HTR1F: variants seen among roughly 807,000 people sequenced by gnomAD.
The protein encoded by HTR1F is 5-hydroxytryptamine (serotonin) receptor 1F, G protein-coupled.
A neutral mutation model predicts 24.0 loss-of-function variants in HTR1F; 17 were observed. The observed-to-expected ratio is 0.71, with a 90% CI of 0.48 to 1.06. HTR1F has a LOEUF of 1.06. Among genes scored for constraint, HTR1F ranks in the 50% least tolerant of loss-of-function variants. The pLI is 0.00. For synonymous variants in HTR1F, 186 were observed against 156.8 expected (o/e 1.19, Z -1.39); for missense variants, 391 against 427.8 (o/e 0.91, Z 0.76).
intron 2 of HTR1F, among the ~76,000 whole-genome samples, chr3:87,985,201 G>C (rs1430014325): frequency 6.6e-6 from 1 of 152,052 alleles, no homozygotes. Context: ...TGGGTGTGGT[G>C]GCGCATGCCT....
intron 2 of HTR1F, among the ~76,000 whole-genome samples, chr3:87,893,824 T>A (rs1290813179): frequency 6.6e-6 from 1 of 152,210 alleles, no homozygotes; most frequent in Admixed American, 6.5e-5. Flanking sequence ...GTGTCATTAA[T>A]TTCATTATAA....
chr3:87,812,049 C>G (rs1458327605), intron 1 of HTR1F, among the ~76,000 whole-genome samples: 1 of 152,144 alleles, frequency 6.6e-6, no homozygotes, highest in African/African-American at 2.4e-5. Flanking sequence ...GCCTCCCTAG[C>G]CATGCAGAAC....
chr3:87,931,497 T>C (rs989957139), intron 2 of HTR1F, among the ~76,000 whole-genome samples: 59 of 152,234 alleles, frequency 3.9e-4, no homozygotes, highest in Admixed American at 8.5e-4. Context: ...TGAATAGTGC[T>C]GCAATAAACA....
chr3:87,968,736 T>G (rs2107492130), intron 2 of HTR1F, among the ~76,000 whole-genome samples: 2 of 152,352 alleles, frequency 1.3e-5, no homozygotes, highest in Middle Eastern at 6.8e-3. Flanking sequence ...TTAAAATAAC[T>G]AATGTAGAGC....
chr3:87,853,453 C>A (rs1705132286), intron 2 of HTR1F, among the ~76,000 whole-genome samples: 1 of 152,066 alleles, frequency 6.6e-6, no homozygotes, highest in South Asian at 2.1e-4. Flanking sequence ...ATCATATTTT[C>A]TTTATCCAGT....
At chr3:87,931,587 TG>T (rs1239979545) in intron 2 of HTR1F, among the ~76,000 whole-genome samples, 1 of 152,184 alleles carries the variant, frequency 6.6e-6, no homozygotes, top group African/African-American at 2.4e-5. Context: ...CTGGATCAAA[TG>T]GTATATCTAG....
intron 2 of HTR1F, among the ~76,000 whole-genome samples, chr3:87,934,402 C>T (rs974590000): frequency 2.6e-5 from 4 of 152,144 alleles, no homozygotes; most frequent in African/African-American, 9.7e-5. Context: ...TGGAGGACTG[C>T]CCTTGACCAC....
At position 87,922,329 on chromosome 3, in the gene HTR1F, GA is replaced by G. The variant is rs1559632814; in HGVS notation, c.-42-68376del. The stretch of plus-strand genomic sequence containing the variant: ...TTGGCCATTTATAGGTATTTTTTCA[GA>G]AATTTTATTTATATCAGTGCCCATT... On this transcript the variant is annotated intron_variant, in intron 2 of 2. Transcript: ENST00000319595. Among the ~76,000 whole-genome samples the G allele has an allele frequency of 2.6e-5, 4 of 151,358 alleles. No homozygotes were observed. The South Asian group carries it at 8.3e-4, about 32-fold the overall frequency.
chr3:87,907,609 G>T (rs1703695655), intron 2 of HTR1F, among the ~76,000 whole-genome samples: 1 of 151,902 alleles, frequency 6.6e-6, no homozygotes, highest in South Asian at 2.1e-4. Flanking sequence ...ATTTATCCTA[G>T]AAATATTCAC....
At chr3:87,846,652 T>C (rs941989389) in intron 2 of HTR1F, among the ~76,000 whole-genome samples, 3 of 151,970 alleles carry the variant, frequency 2.0e-5, no homozygotes, top group South Asian at 2.1e-4. Flanking sequence ...ATTTCCACAA[T>C]TGAGTAATGG....
At chr3:87,797,976 C>T (rs994503279) in intron 1 of HTR1F, among the ~76,000 whole-genome samples, 2 of 152,110 alleles carry the variant, frequency 1.3e-5, no homozygotes, top group Non-Finnish European at 2.9e-5. Flanking sequence ...AGGGACAGTG[C>T]CATTTCCCAG....
At chr3:87,899,725 C>T (rs1460574392) in intron 2 of HTR1F, among the ~76,000 whole-genome samples, 1 of 152,034 alleles carries the variant, frequency 6.6e-6, no homozygotes, top group Non-Finnish European at 1.5e-5. Context: ...TTTAGACAGG[C>T]ATAATGGCTT....
intron 2 of HTR1F, among the ~76,000 whole-genome samples, chr3:87,968,108 A>G (rs983169061): frequency 6.6e-6 from 1 of 151,960 alleles, no homozygotes; most frequent in African/African-American, 2.4e-5. Context: ...AATACAGGTG[A>G]CTCTTGCTAT....
chr3:87,793,991 A>G (rs1487350096), intron 1 of HTR1F, among the ~76,000 whole-genome samples: 1 of 150,100 alleles, frequency 6.7e-6, no homozygotes, highest in Non-Finnish European at 1.5e-5. Context: ...AAAGAGAGAG[A>G]GAAAACAGGA....
intron 2 of HTR1F, among the ~76,000 whole-genome samples, chr3:87,869,935 C>T (rs200516056): frequency 6.6e-6 from 1 of 152,046 alleles, no homozygotes; most frequent in East Asian, 1.9e-4. Flanking sequence ...TTCTAATTAT[C>T]ACATTTGATA....
At chr3:87,966,941 CTTAA>C (rs1222237711) in intron 2 of HTR1F, among the ~76,000 whole-genome samples, 1 of 151,954 alleles carries the variant, frequency 6.6e-6, no homozygotes, top group African/African-American at 2.4e-5. Context: ...ACTTTATACT[CTTAA>C]TTAGTTAAGA....
intron 1 of HTR1F, among the ~76,000 whole-genome samples, chr3:87,816,455 C>T (rs1704252556): frequency 6.6e-6 from 1 of 151,988 alleles, no homozygotes; most frequent in South Asian, 2.1e-4. Flanking sequence ...ATATTCTTAA[C>T]CTGATGTAAA....
intron 2 of HTR1F, among the ~76,000 whole-genome samples, chr3:87,982,019 C>T (rs1185810233): frequency 6.6e-6 from 1 of 152,066 alleles, no homozygotes; most frequent in African/African-American, 2.4e-5. Flanking sequence ...GCAACTCCAC[C>T]TCAAGCAGTT....
Position 87,940,376 on chromosome 3 carries a change from A to T in HTR1F, c.-42-50332A>T, listed in dbSNP as rs535599343. Among the ~76,000 whole-genome samples the T allele has an allele frequency of 3.7e-4, 57 of 152,340 alleles. No homozygotes were observed. In the South Asian group the frequency reaches 5.8e-3, roughly 16 times the overall value. ...AAATAATAGACAAACAGGGAGCCAA[A>T]TCATAAGTGCATTCCCATTCACAGT... On this transcript the variant is annotated intron_variant, in intron 2 of 2. Transcript: ENST00000319595.
Sources: gnomAD v4.1 joint callset for allele counts (sites outside exome capture counted in the v4.1 genomes callset) on GRCh38, gnomAD v4.1.1 for gene constraint, MANE v1.5 for transcripts, NCBI Gene and HGNC (gene_info 2026-07-23, HGNC 2026-07-21) for gene names.